Variants in ARMH4 observed in about 807,000 individuals in gnomAD.
ARMH4 encodes the protein armadillo like helical domain containing 4.
ARMH4 carries 49 observed loss-of-function variants against 61.9 expected under a neutral mutation model. The ratio of observed to expected loss-of-function variants is 0.79; its 90% CI spans 0.63 to 1.00. ARMH4 has a LOEUF of 1.00. Ranked by LOEUF, ARMH4 falls within the 50% of genes least tolerant of loss-of-function variation. ARMH4 has a pLI of 0.00. For synonymous variants in ARMH4, 368 were observed against 341.5 expected, an observed-to-expected ratio of 1.08 and a Z score of -0.85; for missense variants, 934 against 930.0, an observed-to-expected ratio of 1.00 and a Z score of -0.06.
chr14:58,124,269 C>T (rs976310137), intron 4 of ARMH4, among the ~76,000 whole-genome samples: 1 of 152,172 alleles, frequency 6.6e-6, no homozygotes, highest in African/African-American at 2.4e-5. Flanking sequence ...AGCTTGCCAA[C>T]AGAGCAAGAC....
intron 5 of ARMH4, among the ~76,000 whole-genome samples, chr14:58,095,516 A>G (rs1885719239): frequency 6.6e-6 from 1 of 152,240 alleles, no homozygotes; most frequent in Admixed American, 6.5e-5. Context: ...TTTTGATATT[A>G]TAATGTTTTG....
chr14:58,127,601 C>T (rs1340679541), intron 4 of ARMH4, among the ~76,000 whole-genome samples: 2 of 152,286 alleles, frequency 1.3e-5, no homozygotes, highest in South Asian at 2.1e-4. Flanking sequence ...ATACGCAACA[C>T]TCAACATGCA....
In ARMH4 at chr14:58,095,588, G is replaced by T. The variant is rs149237813; in HGVS notation, c.2089+1136C>A. On this transcript the variant is annotated intron_variant, in intron 5 of 7. Coordinates refer to ENST00000267485, the MANE Select transcript of ARMH4 (RefSeq NM_001001872.4). ...GTTTTTAAAGTAATCATTGCCCAAT[G>T]CATGCTGAATTTGGCCAGAAAGTAA... Among the ~76,000 whole-genome samples, 11 of 152,284 alleles carry T rather than the reference G, an allele frequency of 7.2e-5. No homozygotes were observed. The East Asian group carries it at 1.9e-3, about 27-fold the overall frequency.
At chr14:58,050,351 T>G (rs1196601182) in intron 5 of ARMH4, among the ~76,000 whole-genome samples, 1 of 152,182 alleles carries the variant, frequency 6.6e-6, no homozygotes, top group Non-Finnish European at 1.5e-5. Context: ...CACACCAGCC[T>G]AAGGAGGACC....
intron 5 of ARMH4, among the ~76,000 whole-genome samples, chr14:58,040,105 C>T (rs932252996): frequency 6.6e-6 from 1 of 152,110 alleles, no homozygotes; most frequent in African/African-American, 2.4e-5. Flanking sequence ...GTTTCTAAGA[C>T]CCACCAGAGC....
intron 1 of ARMH4, among the ~76,000 whole-genome samples, chr14:58,150,654 A>C (rs1174317526): frequency 2.0e-5 from 3 of 152,200 alleles, no homozygotes; most frequent in Admixed American, 6.5e-5. Flanking sequence ...TAGCTACCTT[A>C]GACTTGGTGA....
chr14:58,006,080 C>G (rs1254558638), intron 6 of ARMH4, among the ~76,000 whole-genome samples: 6 of 152,098 alleles, frequency 3.9e-5, no homozygotes, highest in Non-Finnish European at 8.8e-5. Flanking sequence ...CAGGATGATC[C>G]CTGGACTTGA....
At chr14:58,146,890 A>G (rs553919267) in intron 1 of ARMH4, among the ~76,000 whole-genome samples, 1 of 152,348 alleles carries the variant, frequency 6.6e-6, no homozygotes, top group Non-Finnish European at 1.5e-5. Flanking sequence ...TGAGTTTCAT[A>G]TATAATATTA....
chr14:58,034,548 T>C (rs911185578), intron 5 of ARMH4, among the ~76,000 whole-genome samples: 1 of 107,088 alleles, frequency 9.3e-6, no homozygotes. Context: ...AATTCACACA[T>C]AACAATATTA....
chr14:58,128,884 G>A (rs1886990079), intron 4 of ARMH4, among the ~76,000 whole-genome samples: 1 of 152,194 alleles, frequency 6.6e-6, no homozygotes, highest in Non-Finnish European at 1.5e-5. Context: ...TAATTAACAT[G>A]AGGTCATTAG....
At chr14:58,033,987 T>C (rs1475998189) in intron 5 of ARMH4, among the ~76,000 whole-genome samples, 1 of 98,414 alleles carries the variant, frequency 1.0e-5, no homozygotes, top group African/African-American at 3.7e-5. Flanking sequence ...CTGCAGGATA[T>C]TATCCAGGAG....
In ARMH4 at chr14:58,131,545, C is replaced by T; in HGVS notation, c.1798G>A (p.Ala600Thr). ...TCAAGTTGGTCCAGGCCATATGAGG[C>T]AGCTGTATTAACACGAGTAATAGAT... The part of the protein sequence containing the change: ...VPSITRVNTA[A>T]SYGLDQLESE... The change falls in exon 4 of 8, where the codon GCC becomes ACC. Residue 600 changes from alanine (A) to threonine (T), a missense_variant. Transcript: ENST00000267485. 1 of 1,614,216 alleles carries T rather than the reference C, an allele frequency of 6.2e-7. No homozygotes were observed. Among genetic ancestry groups the T allele is most frequent in the Non-Finnish European group, 8.5e-7 (1 of 1,180,024 alleles).
intron 5 of ARMH4, among the ~76,000 whole-genome samples, chr14:58,047,453 C>T (rs1883980569): frequency 6.6e-6 from 1 of 152,144 alleles, no homozygotes; most frequent in African/African-American, 2.4e-5. Flanking sequence ...GTTCTAAGCC[C>T]TTTACATAGA....
intron 4 of ARMH4, among the ~76,000 whole-genome samples, chr14:58,115,410 A>C (rs1206106909): frequency 6.6e-6 from 1 of 152,198 alleles, no homozygotes; most frequent in Admixed American, 6.5e-5. Context: ...TATTATTAGA[A>C]GTCAAAACAT....
chr14:58,141,370 C>G (rs1887544533), intron 1 of ARMH4: 3 of 508,878 alleles, frequency 5.9e-6, no homozygotes, highest in Non-Finnish European at 1.2e-5. Context: ...AACCAAAATT[C>G]AGGACAAGGA....
intron 4 of ARMH4, among the ~76,000 whole-genome samples, chr14:58,104,636 C>T (rs192247329): frequency 5.3e-5 from 8 of 152,278 alleles, no homozygotes; most frequent in Non-Finnish European, 1.0e-4. Context: ...ATAGAACCTA[C>T]TATTACAGAT....
At position 58,140,275 on chromosome 14, in the gene ARMH4, CAA is replaced by C. The variant is rs143301335; in HGVS notation, c.-56-863_-56-862del. ...AGGCAACAAGAGCAAAACTCCATCT[CAA>C]AAAAAAAAAAGAGAGACCCCAGGCC... is the stretch of plus-strand genomic sequence containing the variant. On this transcript the variant is annotated intron_variant, in intron 1 of 7. Coordinates refer to ENST00000267485, the MANE Select transcript of ARMH4 (RefSeq NM_001001872.4). Among the ~76,000 whole-genome samples the C allele has an allele frequency of 1.4e-4, 19 of 131,354 alleles. 1 individual carries two copies. Among genetic ancestry groups the C allele is most frequent in the South Asian group, 1.3e-3 (5 of 3,924 alleles). The allele number at this position is 131,354 out of a possible 152,430, so 86.2% of individuals were successfully genotyped here.
At chr14:58,128,564 T>C (rs1214381767) in intron 4 of ARMH4, among the ~76,000 whole-genome samples, 3 of 152,172 alleles carry the variant, frequency 2.0e-5, no homozygotes, top group Non-Finnish European at 4.4e-5. Flanking sequence ...AATAAACCAT[T>C]ATCCCTTCAA....
intron 5 of ARMH4, among the ~76,000 whole-genome samples, chr14:58,062,092 A>G (rs1206875503): frequency 6.6e-6 from 1 of 152,186 alleles, no homozygotes; most frequent in African/African-American, 2.4e-5. Flanking sequence ...TAATCCTAGC[A>G]CTTTGGGAGG....
Sources: allele counts gnomAD v4.1 joint callset (sites outside exome capture counted in the v4.1 genomes callset), GRCh38; gene constraint gnomAD v4.1.1; transcripts MANE v1.5; gene names NCBI Gene and HGNC (gene_info 2026-07-23, HGNC 2026-07-21).